AGPAT5: variants seen among roughly 807,000 people sequenced by gnomAD.
AGPAT5 encodes 1-acyl-sn-glycerol-3-phosphate acyltransferase epsilon.
Under a neutral mutation model 45.6 loss-of-function variants are expected in AGPAT5, and 46 were observed. The ratio of observed to expected loss-of-function variants is 1.01; its 90% confidence interval spans 0.80 to 1.29. The LOEUF (loss-of-function observed/expected upper bound fraction) is 1.29, where lower values mean the gene tolerates loss of function less well. Among genes scored for constraint, AGPAT5 ranks in the 50% most tolerant of loss-of-function variants. AGPAT5 has a pLI of 0.00. For synonymous variants in AGPAT5, 272 were observed against 167.0 expected (o/e 1.63, Z -4.85); for missense variants, 673 against 450.7 (o/e 1.49, Z -4.47).
chr8:6,746,075 C>CTTTCTTTGTGT (rs59172826), intron 5 of AGPAT5: 1 of 150,960 alleles, frequency 6.6e-6, no homozygotes, highest in African/African-American at 2.4e-5. Context: ...TTTCTTTCTG[C>CTTTCTTTGTGT]ATTCTTCTCC....
intron 6 of AGPAT5, 122 bp downstream of exon 6, chr8:6,747,950 A>T: frequency 9.9e-7 from 1 of 1,007,384 alleles, no homozygotes; most frequent in Non-Finnish European, 1.4e-6. Context: ...TTTACCCGGT[A>T]TATTTTTCAA....
intron 4 of AGPAT5, among the ~76,000 whole-genome samples, chr8:6,737,994 TG>T (rs1294300659): frequency 1.3e-5 from 2 of 152,358 alleles, no homozygotes; most frequent in Admixed American, 6.5e-5. Context: ...GGGAGTGTTG[TG>T]GCTGGTTTGA....
intron 1 of AGPAT5, among the ~76,000 whole-genome samples, chr8:6,712,326 G>A (rs1173492994): frequency 1.3e-5 from 2 of 151,376 alleles, no homozygotes; most frequent in East Asian, 1.9e-4. Context: ...TTCATATTTC[G>A]GTATTCTTTT....
chr8:6,736,697 G>T (rs188701784), intron 4 of AGPAT5, among the ~76,000 whole-genome samples: 6 of 152,228 alleles, frequency 3.9e-5, no homozygotes, highest in African/African-American at 1.4e-4. Flanking sequence ...CTCCTCTAGC[G>T]TGGGCCCCAC....
At position 6,708,852 on chromosome 8, in the gene AGPAT5, G is replaced by A. The variant is rs1324511868; in HGVS notation, c.184G>A (p.Val62Met). ...DRLYCVYQSM[V>M]LFFFENYTGV... ...GCTCTACTGCGTCTACCAGAGCATG[G>A]TGCTCTTCTTCTTCGAGAATTACAC... Residue 62 changes from valine to methionine, a missense_variant, in exon 1 of 8, where the codon GTG (valine) becomes ATG (methionine). Transcript: ENST00000285518. 2 of 1,609,962 alleles carry A rather than the reference G, an allele frequency of 1.2e-6. No individual in the cohort carries two copies. The highest frequency in any genetic ancestry group is 2.2e-5 in the East Asian group (1 of 44,708).
At chr8:6,755,300 A>G in intron 7 of AGPAT5, 126 bp downstream of exon 7, 1 of 1,050,120 alleles carries the variant, frequency 9.5e-7, no homozygotes, top group Non-Finnish European at 1.4e-6. Flanking sequence ...TTCAAATCAA[A>G]TTTTATGCAT....
chr8:6,733,235 C>T (rs894661777), intron 4 of AGPAT5, among the ~76,000 whole-genome samples: 1 of 152,202 alleles, frequency 6.6e-6, no homozygotes, highest in Non-Finnish European at 1.5e-5. Flanking sequence ...CCATGATCAC[C>T]GGGGCGACTT....
intron 1 of AGPAT5, among the ~76,000 whole-genome samples, chr8:6,717,373 A>C (rs114194392): frequency 0.014 from 2,171 of 152,262 alleles, 43 homozygotes; most frequent in Non-Finnish European, 0.022. Flanking sequence ...GGGCGGAAAG[A>C]AAGGAGGGTG....
intron 1 of AGPAT5, among the ~76,000 whole-genome samples, chr8:6,721,761 A>T (rs1051294544): frequency 3.9e-5 from 6 of 152,208 alleles, no homozygotes; most frequent in Non-Finnish European, 7.3e-5. Context: ...GGGCTTGTGA[A>T]TTAAGAGACT....
intron 1 of AGPAT5, among the ~76,000 whole-genome samples, chr8:6,713,856 A>G (rs13272620): frequency 0.13 from 20,371 of 152,262 alleles, 1,676 homozygotes; most frequent in East Asian, 0.27. Flanking sequence ...TAACTGAAAC[A>G]TTGTTCCAAG....
At chr8:6,725,367 T>C (rs531895341) in intron 2 of AGPAT5, among the ~76,000 whole-genome samples, 1 of 152,366 alleles carries the variant, frequency 6.6e-6, no homozygotes, top group South Asian at 2.1e-4. Context: ...TCATTTCTAG[T>C]GTCTGCTCTT....
At chr8:6,746,639 C>G (rs904095607) in intron 5 of AGPAT5, among the ~76,000 whole-genome samples, 2 of 152,178 alleles carry the variant, frequency 1.3e-5, no homozygotes, top group African/African-American at 4.8e-5. Flanking sequence ...GCCCTGGGGA[C>G]TAAAGTCAGA....
chr8:6,724,962 A>G (rs895228643), intron 2 of AGPAT5, 23 bp downstream of exon 2: 4 of 1,044,976 alleles, frequency 3.8e-6, no homozygotes, highest in Non-Finnish European at 5.1e-6. Flanking sequence ...TTTGCATGAA[A>G]CATAGGTTTT....
At chr8:6,730,152 C>T (rs1019044568) in intron 2 of AGPAT5, among the ~76,000 whole-genome samples, 2 of 151,568 alleles carry the variant, frequency 1.3e-5, no homozygotes, top group African/African-American at 4.9e-5. Flanking sequence ...TTGTTCCATA[C>T]ACATGCTGCT....
chr8:6,753,006 G>A (rs958108705), intron 6 of AGPAT5, among the ~76,000 whole-genome samples: 3 of 152,130 alleles, frequency 2.0e-5, no homozygotes, highest in African/African-American at 7.2e-5. Context: ...TCGTCTCTGA[G>A]ACTTAGTTTC....
chr8:6,725,955 A>G (rs1800672500), intron 2 of AGPAT5, among the ~76,000 whole-genome samples: 2 of 152,228 alleles, frequency 1.3e-5, no homozygotes, highest in South Asian at 2.1e-4. Flanking sequence ...AGAAAGTAAA[A>G]GAAGTTAAAA....
chr8:6,742,153 G>C (rs7003121), intron 5 of AGPAT5, among the ~76,000 whole-genome samples: 4,202 of 152,246 alleles, frequency 0.028, 135 homozygotes, highest in African/African-American at 0.071. Flanking sequence ...TTGCAACTTG[G>C]AAGTTGTGTA....
chr8:6,748,916 G>A (rs1275209584), intron 6 of AGPAT5, among the ~76,000 whole-genome samples: 1 of 152,166 alleles, frequency 6.6e-6, no homozygotes, highest in Non-Finnish European at 1.5e-5. Flanking sequence ...TGAAGCATTC[G>A]TCTGAAGTTG....
At chr8:6,751,694 G>A (rs1287111478) in intron 6 of AGPAT5, among the ~76,000 whole-genome samples, 1 of 151,880 alleles carries the variant, frequency 6.6e-6, no homozygotes, top group Non-Finnish European at 1.5e-5. Context: ...ACGAAACAGT[G>A]TAGTTTGATT....
Sources: allele counts gnomAD v4.1 joint callset (sites outside exome capture counted in the v4.1 genomes callset), GRCh38; gene constraint gnomAD v4.1.1; transcripts MANE v1.5; gene names NCBI Gene and HGNC (gene_info 2026-07-23, HGNC 2026-07-21).